The following E2F3 variants were observed in gnomAD, a reference collection of about 807,000 sequenced individuals.
E2F3 encodes E2F transcription factor 3.
E2F3 carries 11 observed loss-of-function variants against 44.4 expected under a neutral mutation model. That is an observed-to-expected ratio of 0.25 (90% CI 0.16 to 0.41). The LOEUF (loss-of-function observed/expected upper bound fraction) is 0.41. E2F3 is among the 10% of genes least tolerant of loss of function. The pLI, the probability that E2F3 is intolerant of heterozygous loss-of-function variation, is 1.00. For synonymous variants in E2F3, 249 were observed against 253.0 expected (o/e 0.98, Z 0.15); for missense variants, 487 against 583.6 (o/e 0.83, Z 1.70).
chr6:20,480,478 G>A (rs1395788438), intron 2 of E2F3, among the ~76,000 whole-genome samples: 4 of 152,178 alleles, frequency 2.6e-5, no homozygotes, highest in African/African-American at 7.2e-5. Flanking sequence ...GTCCCATTAT[G>A]TATGTGTTTG....
At chr6:20,414,926 A>G (rs529814265) in intron 1 of E2F3, among the ~76,000 whole-genome samples, 20 of 152,308 alleles carry the variant, frequency 1.3e-4, no homozygotes, top group African/African-American at 4.6e-4. Flanking sequence ...AGCTGTAGTT[A>G]CCTAAAATAG....
At chr6:20,407,305 C>T (rs544930107) in intron 1 of E2F3, among the ~76,000 whole-genome samples, 1 of 152,306 alleles carries the variant, frequency 6.6e-6, no homozygotes, top group East Asian at 1.9e-4. Context: ...CCACTATAAT[C>T]AGTACCAAGG....
intron 1 of E2F3, among the ~76,000 whole-genome samples, chr6:20,414,218 T>C (rs1304126713): frequency 6.6e-6 from 1 of 152,212 alleles, no homozygotes; most frequent in Admixed American, 6.5e-5. Context: ...CTCTGTAATA[T>C]GAAAACGAGA....
chr6:20,486,876 C>G, intron 5 of E2F3, 73 bp downstream of exon 5: 3 of 977,746 alleles, frequency 3.1e-6, no homozygotes, highest in Non-Finnish European at 3.1e-6. Context: ...CTCATTGACT[C>G]ATAGTTAAAG....
intron 1 of E2F3, among the ~76,000 whole-genome samples, chr6:20,422,976 AG>A (rs1760077203): frequency 6.6e-6 from 1 of 152,234 alleles, no homozygotes; most frequent in Non-Finnish European, 1.5e-5. Context: ...AGCTTGATGC[AG>A]GGTTGTCACA....
At chr6:20,476,457 A>C (rs1489762491) in intron 1 of E2F3, among the ~76,000 whole-genome samples, 3 of 152,026 alleles carry the variant, frequency 2.0e-5, no homozygotes, top group African/African-American at 7.3e-5. Context: ...AGTTGCCCCC[A>C]GGGCATGACC....
intron 1 of E2F3, among the ~76,000 whole-genome samples, chr6:20,433,545 C>T (rs1466737168): frequency 6.6e-6 from 1 of 152,168 alleles, no homozygotes; most frequent in Non-Finnish European, 1.5e-5. Flanking sequence ...TCACATTACA[C>T]TTGTTGCAGC....
intron 4 of E2F3, among the ~76,000 whole-genome samples, chr6:20,483,785 CTGA>C (rs1762307262): frequency 6.6e-6 from 1 of 152,244 alleles, no homozygotes; most frequent in Admixed American, 6.5e-5. Flanking sequence ...TTCCAAACTT[CTGA>C]TGATTGCACA....
At chr6:20,476,567 C>T (rs1762052309) in intron 1 of E2F3, among the ~76,000 whole-genome samples, 1 of 152,170 alleles carries the variant, frequency 6.6e-6, no homozygotes, top group Non-Finnish European at 1.5e-5. Context: ...CTTTAGGCTC[C>T]TCACTTACCA....
At chr6:20,412,897 T>C (rs1759721133) in intron 1 of E2F3, among the ~76,000 whole-genome samples, 1 of 152,246 alleles carries the variant, frequency 6.6e-6, no homozygotes. Context: ...TATGGGATAA[T>C]AATAGCTAAT....
chr6:20,453,321 T>C (rs182370245), intron 1 of E2F3, among the ~76,000 whole-genome samples: 3 of 152,364 alleles, frequency 2.0e-5, no homozygotes, highest in African/African-American at 7.2e-5. Flanking sequence ...CTTGCAGAAT[T>C]TCTATGCTAT....
intron 1 of E2F3, among the ~76,000 whole-genome samples, chr6:20,414,181 A>G (rs909216960): frequency 6.6e-6 from 1 of 152,266 alleles, no homozygotes; most frequent in Non-Finnish European, 1.5e-5. Flanking sequence ...TGGTGCCACA[A>G]AAACCTTTCA....
intron 1 of E2F3, among the ~76,000 whole-genome samples, chr6:20,456,691 CT>C (rs1761319151): frequency 6.6e-6 from 1 of 152,058 alleles, no homozygotes; most frequent in South Asian, 2.1e-4. Context: ...GTATTGAGGG[CT>C]TTTTGGGGGA....
intron 2 of E2F3, among the ~76,000 whole-genome samples, chr6:20,480,838 C>T (rs1271103804): frequency 2.6e-4 from 39 of 152,168 alleles, no homozygotes; most frequent in Admixed American, 2.6e-3. Context: ...CACCGTAGGC[C>T]TCGTGTGTGC....
intron 1 of E2F3, among the ~76,000 whole-genome samples, chr6:20,417,192 T>C (rs1201810768): frequency 1.3e-5 from 2 of 152,208 alleles, no homozygotes; most frequent in African/African-American, 2.4e-5. Context: ...CTCTCCTTTG[T>C]ATGTCTGGTA....
At chr6:20,411,983 A>G (rs1581569540) in intron 1 of E2F3, among the ~76,000 whole-genome samples, 1 of 152,238 alleles carries the variant, frequency 6.6e-6, no homozygotes, top group African/African-American at 2.4e-5. Flanking sequence ...CATTTTCATT[A>G]GACACCTTCC....
chr6:20,407,764 C>G (rs1307554446), intron 1 of E2F3, among the ~76,000 whole-genome samples: 1 of 152,148 alleles, frequency 6.6e-6, no homozygotes, highest in Admixed American at 6.6e-5. Flanking sequence ...TACAAATATT[C>G]CATTTGTAGG....
intron 1 of E2F3, among the ~76,000 whole-genome samples, chr6:20,476,698 A>T (rs970188928): frequency 2.0e-5 from 3 of 152,068 alleles, no homozygotes; most frequent in African/African-American, 7.2e-5. Flanking sequence ...GGGGGCGGGG[A>T]GGGCAGGATG....
intron 1 of E2F3, among the ~76,000 whole-genome samples, chr6:20,462,774 A>C (rs1169487362): frequency 6.8e-6 from 1 of 147,994 alleles, no homozygotes; most frequent in East Asian, 2.0e-4. Context: ...ACTAATTCCT[A>C]TAGTTACACA....
Sources: allele counts gnomAD v4.1 joint callset (sites outside exome capture counted in the v4.1 genomes callset), GRCh38; gene constraint gnomAD v4.1.1; transcripts MANE v1.5; gene names NCBI Gene and HGNC (gene_info 2026-07-23, HGNC 2026-07-21).